SLC12A8: variants seen among roughly 807,000 people sequenced by gnomAD.
SLC12A8 encodes solute carrier family 12 member 8, also known as cation-chloride cotransporter 9.
SLC12A8 carries 69 observed loss-of-function variants against 75.6 expected under a neutral mutation model. The ratio of observed to expected loss-of-function variants is 0.91; its 90% CI spans 0.75 to 1.11. The LOEUF (loss-of-function observed/expected upper bound fraction) is 1.11. SLC12A8 is among the 50% of genes most tolerant of loss of function. The probability of loss-of-function intolerance (pLI) is 0.00; values close to 1 mark genes in which losing one functional copy is unlikely to be tolerated. For missense variants in SLC12A8, 877 were observed against 896.7 expected (o/e 0.98, Z 0.28); for synonymous variants, 365 against 372.8 (o/e 0.98, Z 0.24).
chr3:125,135,355 C>T (rs2981504), intron 6 of SLC12A8, among the ~76,000 whole-genome samples: 11,291 of 152,138 alleles, frequency 0.074, 505 homozygotes, highest in Admixed American at 0.096. Flanking sequence ...TTTCTATGAA[C>T]AAAAGGTGTC....
At chr3:125,128,706 G>A (rs1933279782) in intron 6 of SLC12A8, among the ~76,000 whole-genome samples, 1 of 152,180 alleles carries the variant, frequency 6.6e-6, no homozygotes. Flanking sequence ...GGAGTGGAGT[G>A]AGCCCCCATC....
In SLC12A8 at chr3:125,187,378, C is replaced by T. The variant is rs2107794327; in HGVS notation, c.249G>A (p.Leu83=). Residue 83 remains leucine (L), a synonymous_variant, in exon 4 of 14, where the codon CTG becomes CTA. Transcript: ENST00000469902. ...LGMFLVSFVI[L]VALVTVLSGI... is the part of the protein sequence containing the mutation. ...CAGACAGCACCGTGACGAGGGCCAC[C>T]AGGATGACGAAGGACACCAGGAACA... 6.2e-7 allele frequency: 1 copy of T among 1,614,172 alleles called. No homozygotes were observed. The highest frequency in any genetic ancestry group is 2.2e-5 in the East Asian group (1 of 44,880).
chr3:125,120,605 C>A lies in SLC12A8; in HGVS notation c.818G>T (p.Gly273Val). The A allele has an allele frequency of 6.2e-7, 1 of 1,612,814 alleles. No homozygotes were observed. Among genetic ancestry groups the A allele is most frequent in the Non-Finnish European group, 8.5e-7 (1 of 1,179,202 alleles). The change falls in exon 7 of 14, where the codon GGC (glycine) becomes GTC (valine). Residue 273 changes from glycine (G) to valine (V), a missense_variant. Physicochemically the swap from Gly to Val is moderately radical, Grantham distance 109. Transcript: ENST00000469902. ...TGCCATGAGGGGAACTTACGAGATG[C>A]CAACAGCTGCCAGGGAGCCCAGGGG... ...SIPLGSLAAV[G>V]ISWFLYIIFV...
intron 2 of SLC12A8, among the ~76,000 whole-genome samples, chr3:125,209,301 T>C (rs1200834062): frequency 6.6e-6 from 1 of 152,244 alleles, no homozygotes; most frequent in East Asian, 1.9e-4. Context: ...GGCTTTACAG[T>C]GCTACAGTTA....
At chr3:125,167,863 G>A (rs1396895380) in intron 5 of SLC12A8, among the ~76,000 whole-genome samples, 1 of 152,214 alleles carries the variant, frequency 6.6e-6, no homozygotes, top group Admixed American at 6.5e-5. Context: ...TCAGAAAGGG[G>A]CAGAATTGGA....
intron 5 of SLC12A8, among the ~76,000 whole-genome samples, chr3:125,163,398 G>A (rs1463850383): frequency 6.6e-6 from 1 of 151,930 alleles, no homozygotes; most frequent in African/African-American, 2.4e-5. Flanking sequence ...ACGAGGTCGG[G>A]AGATCGAGAC....
chr3:125,199,585 G>GAA (rs369600546), intron 2 of SLC12A8, among the ~76,000 whole-genome samples: 22 of 139,724 alleles, frequency 1.6e-4, no homozygotes, highest in Non-Finnish European at 1.2e-4. Context: ...CTAGAAGAAG[G>GAA]AAAAAAAAAA....
chr3:125,109,042 A>C (rs556957379), intron 9 of SLC12A8, among the ~76,000 whole-genome samples: 25 of 152,292 alleles, frequency 1.6e-4, no homozygotes, highest in South Asian at 1.5e-3. Context: ...AGCAACAGTC[A>C]CTTCTCAGTC....
At position 125,108,004 on chromosome 3, in the gene SLC12A8, T is replaced by C. The variant is rs752747636; in HGVS notation, c.1182A>G (p.Thr394=). 1.2e-6 allele frequency: 2 copies of C among 1,614,032 alleles called. No homozygotes were observed. Among genetic ancestry groups the C allele is most frequent in the Non-Finnish European group, 1.7e-6 (2 of 1,180,022 alleles). ...APIVTINFML[T]YVAVDYSYFS... is the part of the protein sequence containing the mutation. ...AGTAAGAGTAGTCCACTGCAACGTA[T>C]GTCAGCATGAAGTTGATGGTGACGA... The change falls in exon 10 of 14, where the codon ACA becomes ACG. Residue 394 remains threonine (T), a synonymous_variant. Coordinates refer to ENST00000469902, the MANE Select transcript of SLC12A8 (RefSeq NM_024628.6).
At chr3:125,133,802 A>G (rs1933421894) in intron 6 of SLC12A8, among the ~76,000 whole-genome samples, 1 of 151,930 alleles carries the variant, frequency 6.6e-6, no homozygotes, top group Non-Finnish European at 1.5e-5. Flanking sequence ...CAAACTCCTG[A>G]GCTTGAGGGA....
intron 6 of SLC12A8, among the ~76,000 whole-genome samples, chr3:125,124,734 A>C (rs2107753724): frequency 6.6e-6 from 1 of 152,316 alleles, no homozygotes; most frequent in African/African-American, 2.4e-5. Flanking sequence ...GTGAATTATA[A>C]ATGTCTCATT....
At chr3:125,182,568 G>A (rs1214192590) in intron 4 of SLC12A8, among the ~76,000 whole-genome samples, 4 of 150,868 alleles carry the variant, frequency 2.7e-5, no homozygotes, top group East Asian at 2.0e-4. Flanking sequence ...GTGCAGCGGC[G>A]TGATCTCAGT....
At chr3:125,125,135 A>T (rs1205603554) in intron 6 of SLC12A8, among the ~76,000 whole-genome samples, 6 of 129,434 alleles carry the variant, frequency 4.6e-5, no homozygotes, top group South Asian at 2.7e-4. Context: ...TTTTTTTTTT[A>T]AAGAAATGAA....
At chr3:125,147,900 C>T (rs1933824598) in intron 5 of SLC12A8, among the ~76,000 whole-genome samples, 1 of 152,160 alleles carries the variant, frequency 6.6e-6, no homozygotes, top group Non-Finnish European at 1.5e-5. Context: ...CCAGGACAAG[C>T]AATGATAATG....
At chr3:125,155,991 T>C (rs633055) in intron 5 of SLC12A8, among the ~76,000 whole-genome samples, 124,641 of 152,046 alleles carry the variant, frequency 0.82, 51,218 homozygotes, top group African/African-American at 0.86. Flanking sequence ...ATTGTTTGGG[T>C]CACAGACTTG....
intron 10 of SLC12A8, among the ~76,000 whole-genome samples, chr3:125,104,523 A>C (rs74731228): frequency 6.6e-6 from 1 of 151,096 alleles, no homozygotes; most frequent in Non-Finnish European, 1.5e-5. Context: ...AAAAAAAAAA[A>C]AGACAAGGAC....
At chr3:125,133,809 G>A (rs1933422217) in intron 6 of SLC12A8, among the ~76,000 whole-genome samples, 1 of 152,176 alleles carries the variant, frequency 6.6e-6, no homozygotes, top group Non-Finnish European at 1.5e-5. Flanking sequence ...CTGAGCTTGA[G>A]GGATCCTCCT....
At chr3:125,168,711 C>T (rs1431854441) in intron 5 of SLC12A8, among the ~76,000 whole-genome samples, 2 of 152,132 alleles carry the variant, frequency 1.3e-5, no homozygotes, top group Non-Finnish European at 2.9e-5. Flanking sequence ...GAGTCAAGGT[C>T]CTGGGGTTGA....
intron 2 of SLC12A8, among the ~76,000 whole-genome samples, chr3:125,194,405 G>T (rs78849991): frequency 0.02 from 2,908 of 147,272 alleles, 47 homozygotes; most frequent in East Asian, 0.058. Flanking sequence ...GTTCTCCTGT[G>T]AATAATCTCC....
Sources: gnomAD v4.1 joint callset for allele counts (sites outside exome capture counted in the v4.1 genomes callset) on GRCh38, gnomAD v4.1.1 for gene constraint, MANE v1.5 for transcripts, NCBI Gene and HGNC (gene_info 2026-07-23, HGNC 2026-07-21) for gene names.